Variants in CNTN1 observed in about 807,000 individuals in gnomAD.
CNTN1 encodes contactin-1.
A neutral mutation model predicts 126.4 loss-of-function variants in CNTN1; 38 were observed. The ratio of observed to expected loss-of-function variants is 0.30; its 90% CI spans 0.23 to 0.39. The LOEUF (loss-of-function observed/expected upper bound fraction) is 0.39, where lower values mean the gene tolerates loss of function less well. Ranked by LOEUF, CNTN1 falls within the 10% of genes least tolerant of loss-of-function variation. The probability of loss-of-function intolerance (pLI) is 1.00; values close to 1 mark genes in which losing one functional copy is unlikely to be tolerated. For synonymous variants in CNTN1, 413 were observed against 422.6 expected (o/e 0.98, Z 0.28); for missense variants, 1,009 against 1,248.4 (o/e 0.81, Z 2.89).
Position 40,959,555 on chromosome 12 carries a change from T to A in CNTN1, c.1804+321T>A, listed in dbSNP as rs147996272. On this transcript the variant is annotated intron_variant, in intron 15 of 23. Transcript: ENST00000551295. ...ATACTTTTTAGTGTGTTGTGTATAGTGCTGTTTCCTTTTTTATTTCTATGG... is the reference window on the plus strand; with the variant it reads ...ATACTTTTTAGTGTGTTGTGTATAGAGCTGTTTCCTTTTTTATTTCTATGG... Among the ~76,000 whole-genome samples, 495 of 152,268 alleles carry A rather than the reference T, an allele frequency of 3.3e-3. 1 individual carries two copies. Among genetic ancestry groups the A allele is most frequent in the African/African-American group, 0.011 (471 of 41,564 alleles).
chr12:40,714,304 A>G (rs73110828), intron 1 of CNTN1, among the ~76,000 whole-genome samples: 3 of 152,208 alleles, frequency 2.0e-5, no homozygotes, highest in Non-Finnish European at 2.9e-5. Flanking sequence ...TCTGGAATCA[A>G]TGGGTTGCTG....
At chr12:41,055,621 T>C (rs1160874538) in intron 23 of CNTN1, among the ~76,000 whole-genome samples, 1 of 152,134 alleles carries the variant, frequency 6.6e-6, no homozygotes, top group Non-Finnish European at 1.5e-5. Context: ...TGGGTTCTTA[T>C]TAAATTGAAA....
In CNTN1 at chr12:40,949,912, A is replaced by G. The variant is rs966613853; in HGVS notation, c.1683+5742A>G. Among the ~76,000 whole-genome samples, 3 of 151,218 alleles carry G rather than the reference A, an allele frequency of 2.0e-5. No individual in the cohort carries two copies. In the Admixed American group the frequency reaches 2.0e-4, roughly 10 times the overall value. On this transcript the variant is annotated intron_variant, in intron 14 of 23. Coordinates refer to ENST00000551295, the MANE Select transcript of CNTN1 (RefSeq NM_001843.4). ...TTGAACAAGAAGGTTAAGATTATCCAGAATTATGTGGGAGAAAACGAGGAC... is the reference window on the plus strand; with the variant it reads ...TTGAACAAGAAGGTTAAGATTATCCGGAATTATGTGGGAGAAAACGAGGAC...
chr12:40,990,471 A>G (rs201909848), intron 16 of CNTN1, among the ~76,000 whole-genome samples: 1 of 151,824 alleles, frequency 6.6e-6, no homozygotes, highest in East Asian at 1.9e-4. Flanking sequence ...TCCTTTCTTC[A>G]TCTCACTCGT....
At chr12:40,875,892 A>G (rs367879703) in intron 1 of CNTN1, among the ~76,000 whole-genome samples, 1 of 152,124 alleles carries the variant, frequency 6.6e-6, no homozygotes, top group East Asian at 1.9e-4. Context: ...GAATGCAATT[A>G]CTAGGCCATA....
intron 1 of CNTN1, among the ~76,000 whole-genome samples, chr12:40,706,210 G>A (rs1211201635): frequency 6.6e-6 from 1 of 151,810 alleles, no homozygotes; most frequent in Admixed American, 6.6e-5. Flanking sequence ...TTGGTGTGCT[G>A]CACCCATTAA....
chr12:41,025,503 GA>G (rs1325943094), intron 21 of CNTN1, among the ~76,000 whole-genome samples, 167 bp downstream of exon 21: 3 of 152,106 alleles, frequency 2.0e-5, no homozygotes. Flanking sequence ...TGTAGATGAT[GA>G]AAAAATGTGA....
chr12:40,913,450 T>C (rs1225852186), intron 3 of CNTN1, among the ~76,000 whole-genome samples: 1 of 152,176 alleles, frequency 6.6e-6, no homozygotes, highest in African/African-American at 2.4e-5. Context: ...AAAATTTCCA[T>C]TTTAGTCTTT....
chr12:40,769,860 G>T (rs921648871), intron 1 of CNTN1, among the ~76,000 whole-genome samples: 7 of 151,980 alleles, frequency 4.6e-5, no homozygotes, highest in South Asian at 2.1e-4. Flanking sequence ...CTCTAGGAAA[G>T]GTTTCATCCT....
intron 21 of CNTN1, 147 bp from the exon 22 acceptor site, chr12:41,027,710 A>C (rs1352795602): frequency 5.8e-6 from 4 of 691,328 alleles, no homozygotes; most frequent in African/African-American, 3.5e-5. Context: ...TAAAGTGCTT[A>C]GCATAGTGCC....
intron 1 of CNTN1, among the ~76,000 whole-genome samples, chr12:40,810,244 A>G (rs894682538): frequency 3.9e-5 from 6 of 152,156 alleles, no homozygotes; most frequent in African/African-American, 1.4e-4. Context: ...GGTATACTTG[A>G]CAAATAAAAA....
chr12:40,847,482 A>G (rs780995394), intron 1 of CNTN1, among the ~76,000 whole-genome samples: 1 of 152,060 alleles, frequency 6.6e-6, no homozygotes, highest in Non-Finnish European at 1.5e-5. Flanking sequence ...ATCAGCCAAA[A>G]CTTTTTTTTT....
At chr12:40,762,666 C>A (rs1938911255) in intron 1 of CNTN1, among the ~76,000 whole-genome samples, 1 of 152,244 alleles carries the variant, frequency 6.6e-6, no homozygotes, top group East Asian at 1.9e-4. Context: ...GGGTTTGAAT[C>A]TTCACTCATG....
At chr12:40,969,680 A>T (rs1947433017) in intron 15 of CNTN1, among the ~76,000 whole-genome samples, 2 of 152,204 alleles carry the variant, frequency 1.3e-5, no homozygotes, top group Admixed American at 1.3e-4. Flanking sequence ...TTGTGTGGAC[A>T]TGGGAAGACA....
chr12:40,938,192 T>C (rs1422708755), intron 11 of CNTN1, among the ~76,000 whole-genome samples: 1 of 152,136 alleles, frequency 6.6e-6, no homozygotes, highest in Non-Finnish European at 1.5e-5. Context: ...GAGCAGTGGA[T>C]TAAATGTGTG....
chr12:40,787,428 TGGC>T (rs1417477514), intron 1 of CNTN1, among the ~76,000 whole-genome samples: 3 of 152,182 alleles, frequency 2.0e-5, no homozygotes, highest in Non-Finnish European at 2.9e-5. Context: ...ATATTGCATT[TGGC>T]AGACTCTGCT....
intron 1 of CNTN1, among the ~76,000 whole-genome samples, chr12:40,827,084 T>G (rs1941636969): frequency 6.6e-6 from 1 of 152,198 alleles, no homozygotes; most frequent in Non-Finnish European, 1.5e-5. Context: ...ATCCTAGTAT[T>G]TTTGCAAATA....
At chr12:40,698,223 A>C (rs1308037495) in intron 1 of CNTN1, among the ~76,000 whole-genome samples, 2 of 131,634 alleles carry the variant, frequency 1.5e-5, no homozygotes, top group Non-Finnish European at 3.1e-5. Flanking sequence ...GAGGCCAGCC[A>C]CTTAATTTTT....
chr12:40,781,386 T>C (rs1939796905), intron 1 of CNTN1, among the ~76,000 whole-genome samples: 1 of 151,984 alleles, frequency 6.6e-6, no homozygotes, highest in Non-Finnish European at 1.5e-5. Flanking sequence ...ATAGAAAATT[T>C]AAATCTTGGT....
Sources: allele counts gnomAD v4.1 joint callset (sites outside exome capture counted in the v4.1 genomes callset), GRCh38; gene constraint gnomAD v4.1.1; transcripts MANE v1.5; gene names NCBI Gene and HGNC (gene_info 2026-07-23, HGNC 2026-07-21).